Variants in PIK3CD observed in about 807,000 individuals in gnomAD.
The protein encoded by PIK3CD is phosphatidylinositol 4,5-bisphosphate 3-kinase catalytic subunit delta isoform.
In PIK3CD, 20 loss-of-function variants were observed where a neutral mutation model predicts 122.9. That is an observed-to-expected ratio of 0.16 (90% confidence interval 0.11 to 0.24). The LOEUF (loss-of-function observed/expected upper bound fraction) is 0.24, where lower values mean the gene tolerates loss of function less well. Among genes scored for constraint, PIK3CD ranks in the 10% least tolerant of loss-of-function variants. PIK3CD has a pLI of 1.00. For missense variants in PIK3CD, 787 were observed against 1,406.3 expected, an observed-to-expected ratio of 0.56 and a Z score of 7.04; for synonymous variants, 596 against 593.4, an observed-to-expected ratio of 1.00 and a Z score of -0.06.
chr1:9,693,158 C>T (rs746549115), intron 2 of PIK3CD, among the ~76,000 whole-genome samples: 1 of 152,152 alleles, frequency 6.6e-6, no homozygotes, highest in Non-Finnish European at 1.5e-5. Flanking sequence ...ACTGTTTCCT[C>T]GTTGGAGTAT....
At chr1:9,650,258 C>G (rs535228282), upstream of PIK3CD, among the ~76,000 whole-genome samples, 1 of 152,112 alleles carries the variant, frequency 6.6e-6, no homozygotes, top group South Asian at 2.1e-4. Flanking sequence ...CCCACCTCTA[C>G]TAAAAATACA....
At position 9,721,265 on chromosome 1, in the gene PIK3CD, C is replaced by T. The variant is rs755056920; in HGVS notation, c.1811+17C>T. The T allele has an allele frequency of 2.8e-5, 45 of 1,612,922 alleles. No individual in the cohort carries two copies. The highest frequency in any genetic ancestry group is 9.9e-5 in the South Asian group (9 of 91,082). ...GAAACTGACGTGAGTCCCAGCTGGG[C>T]GCTCCCCACTTCTCCAGAGGGCAGC... is the stretch of plus-strand genomic sequence containing the variant. On this transcript the variant is annotated intron_variant, in intron 14 of 23. Coordinates refer to ENST00000377346, the MANE Select transcript of PIK3CD (RefSeq NM_005026.5).
intron 2 of PIK3CD, among the ~76,000 whole-genome samples, chr1:9,701,857 C>T (rs1646644140): frequency 6.6e-6 from 1 of 152,052 alleles, no homozygotes; most frequent in South Asian, 2.1e-4. Flanking sequence ...CATGATGTGG[C>T]CACCAAAAAT....
intron 1 of PIK3CD, among the ~76,000 whole-genome samples, chr1:9,655,637 A>T (rs924056512): frequency 4.6e-5 from 7 of 150,986 alleles, no homozygotes; most frequent in African/African-American, 1.5e-4. Context: ...ACCACCTCGG[A>T]TAAGGGTCAG....
chr1:9,696,000 G>A (rs1380178821), intron 2 of PIK3CD, among the ~76,000 whole-genome samples: 1 of 148,326 alleles, frequency 6.7e-6, no homozygotes, highest in South Asian at 2.1e-4. Context: ...GAGATAAGGT[G>A]TTTCTCTGTT....
intron 1 of PIK3CD, among the ~76,000 whole-genome samples, chr1:9,661,534 G>A (rs1645008181): frequency 6.6e-6 from 1 of 152,160 alleles, no homozygotes; most frequent in African/African-American, 2.4e-5. Context: ...GACTGTAGGT[G>A]CATGCTACCA....
intron 2 of PIK3CD, among the ~76,000 whole-genome samples, chr1:9,698,673 C>T (rs1470217839): frequency 6.6e-6 from 1 of 152,170 alleles, no homozygotes; most frequent in Admixed American, 6.5e-5. Flanking sequence ...TTTTGAATTG[C>T]TTCTTTAGGA....
intron 5 of PIK3CD, 161 bp downstream of exon 5, chr1:9,716,239 C>T (rs1647411518): frequency 1.2e-6 from 1 of 820,866 alleles, no homozygotes. Flanking sequence ...AACGTCCCCC[C>T]AGGCAAGCTC....
rs754116182 is a variant in PIK3CD at position 9,717,055 on chromosome 1, GC to G, written c.883del (p.Gln295ArgfsTer39). The G allele has an allele frequency of 2.5e-6, 4 of 1,613,986 alleles. No homozygotes were observed. The highest frequency in any genetic ancestry group is 3.4e-6 in the Non-Finnish European group (4 of 1,180,034). On this transcript the variant is annotated frameshift_variant, in exon 7 of 24. Coordinates refer to ENST00000377346, the MANE Select transcript of PIK3CD (RefSeq NM_005026.5). LOFTEE classifies it high-confidence loss of function. This position sits in a 1 kb window ranked among gnomAD's most constrained non-coding sequence, Gnocchi z 5.4. The part of the protein sequence containing the change: ...LAMRDEQSNP[A>X]PQVQKPRAKP... ...CATGCGGGATGAGCAGAGCAACCCT[GC>G]CCCCCAGGTCCAGAAACCGCGTGCC... is the stretch of plus-strand genomic sequence containing the variant.
intron 1 of PIK3CD, among the ~76,000 whole-genome samples, chr1:9,679,063 C>CTTTTTTT (rs148088382): frequency 1.7e-5 from 2 of 116,574 alleles, no homozygotes; most frequent in Admixed American, 8.9e-5. Flanking sequence ...TCAGGAGAAA[C>CTTTTTTT]TTTTTTTTTT....
chr1:9,639,117 A>G, the PIK3CD span, among the ~76,000 whole-genome samples: 8 of 152,060 alleles, frequency 5.3e-5, no homozygotes, highest in Non-Finnish European at 1.2e-4. Flanking sequence ...TCAACTCACT[A>G]CATGTGGGAA....
At chr1:9,679,950 G>A (rs761437776) in intron 1 of PIK3CD, among the ~76,000 whole-genome samples, 3 of 151,686 alleles carry the variant, frequency 2.0e-5, no homozygotes, top group African/African-American at 4.8e-5. Context: ...TCAGCCTCCC[G>A]AGTAGCTGGG....
chr1:9,684,061 G>A lies in PIK3CD; in HGVS notation c.-137-7406G>A, dbSNP rs115595485. On this transcript the variant is annotated intron_variant, in intron 1 of 23. Transcript: ENST00000377346. ...TCCAAGAGCCAGCATTCTAACCAAG[G>A]AGGAAGCGGCATGGCTTCTCATGGC... Among the ~76,000 whole-genome samples the A allele has an allele frequency of 3.4e-3, 511 of 152,226 alleles. 7 individuals are homozygous for A. Among genetic ancestry groups the A allele is most frequent in the South Asian group, 0.033 (159 of 4,826 alleles).
chr1:9,629,411 C>G, the PIK3CD span, among the ~76,000 whole-genome samples: 14 of 152,062 alleles, frequency 9.2e-5, no homozygotes, highest in African/African-American at 2.7e-4. Flanking sequence ...TACCACCAGC[C>G]GAGAATGAGG....
chr1:9,632,884 CAG>C, the PIK3CD span, among the ~76,000 whole-genome samples: 1 of 134,716 alleles, frequency 7.4e-6, no homozygotes, highest in East Asian at 2.2e-4. Context: ...TTTTTTGAGA[CAG>C]AGTCTCGCTC....
chr1:9,647,033 G>A (rs368695009), upstream of PIK3CD, among the ~76,000 whole-genome samples: 5 of 151,696 alleles, frequency 3.3e-5, no homozygotes, highest in East Asian at 7.8e-4. Context: ...ATTGCTTGAA[G>A]ATGGGAAGTG....
intron 1 of PIK3CD, among the ~76,000 whole-genome samples, chr1:9,675,357 A>ACCTGGG (rs1645489551): frequency 1.5e-5 from 2 of 133,164 alleles, no homozygotes; most frequent in African/African-American, 3.0e-5. Flanking sequence ...CTGCACTCCC[A>ACCTGGG]CCTGGGCCAC....
chr1:9,713,372 C>T (rs1187636658), intron 3 of PIK3CD, among the ~76,000 whole-genome samples: 1 of 151,892 alleles, frequency 6.6e-6, no homozygotes, highest in East Asian at 1.9e-4. Flanking sequence ...CAGACAAAAA[C>T]AAACACAAAA....
At chr1:9,654,501 C>T (rs1644784255) in intron 1 of PIK3CD, 3 of 524,204 alleles carry the variant, frequency 5.7e-6, no homozygotes, top group African/African-American at 5.2e-5. Context: ...AGCCCGCTTT[C>T]GCACAACTGT....
Sources: gnomAD v4.1 joint callset for allele counts (sites outside exome capture counted in the v4.1 genomes callset) on GRCh38, gnomAD v4.1.1 for gene constraint, Gnocchi (gnomAD v3.1) non-coding constraint, MANE v1.5 for transcripts, NCBI Gene and HGNC (gene_info 2026-07-23, HGNC 2026-07-21) for gene names.